HYAL4: variants seen among roughly 807,000 people sequenced by gnomAD.
The protein encoded by HYAL4 is hyaluronidase-4.
A neutral mutation model predicts 35.2 loss-of-function variants in HYAL4; 37 were observed. The observed-to-expected ratio is 1.05, with a 90% CI of 0.81 to 1.38. The LOEUF (loss-of-function observed/expected upper bound fraction) is 1.38. HYAL4 is among the 40% of genes most tolerant of loss of function. The pLI is 0.00. For synonymous variants in HYAL4, 198 were observed against 203.2 expected (o/e 0.97, Z 0.22); for missense variants, 572 against 572.4 (o/e 1.00, Z 0.01).
chr7:123,837,356 G>A (rs141386487), intron 1 of HYAL4, among the ~76,000 whole-genome samples: 165 of 152,170 alleles, frequency 1.1e-3, no homozygotes, highest in African/African-American at 3.7e-3. Flanking sequence ...CATCAAAAAG[G>A]AAGTGTTTAA....
the HYAL4 span, among the ~76,000 whole-genome samples, chr7:123,781,690 AAAAAC>A: frequency 3.5e-3 from 526 of 152,312 alleles, 4 homozygotes; most frequent in African/African-American, 0.011. Flanking sequence ...ATTTAATATG[AAAAAC>A]AAAAGTATCT....
intron 2 of HYAL4, among the ~76,000 whole-genome samples, chr7:123,861,472 C>T (rs1806574500): frequency 6.6e-6 from 1 of 152,100 alleles, no homozygotes; most frequent in African/African-American, 2.4e-5. Context: ...GTGTGCTTTT[C>T]CAAGAAATCT....
chr7:123,830,809 A>AT (rs1403672665), intron 1 of HYAL4, among the ~76,000 whole-genome samples: 1 of 150,776 alleles, frequency 6.6e-6, no homozygotes, highest in African/African-American at 2.4e-5. Context: ...TTTGCTTTCA[A>AT]TTTTTTTTTC....
chr7:123,817,882 GTATT>G, the HYAL4 span, among the ~76,000 whole-genome samples: 474 of 150,364 alleles, frequency 3.2e-3, no homozygotes, highest in Non-Finnish European at 6.1e-3. Flanking sequence ...ATTTATTTAT[GTATT>G]TATTTATTTG....
At chr7:123,822,448 T>C in the HYAL4 span, among the ~76,000 whole-genome samples, 2 of 152,238 alleles carry the variant, frequency 1.3e-5, no homozygotes, top group African/African-American at 4.8e-5. Flanking sequence ...GATGGCTCAC[T>C]ATTAATAGAT....
At chr7:123,825,838 A>G (rs1805797294), upstream of HYAL4, among the ~76,000 whole-genome samples, 1 of 152,118 alleles carries the variant, frequency 6.6e-6, no homozygotes, top group Non-Finnish European at 1.5e-5. Flanking sequence ...TCTAATTCAT[A>G]AATTTATACT....
At chr7:123,824,356 GT>G (rs1159200498), upstream of HYAL4, among the ~76,000 whole-genome samples, 2 of 152,104 alleles carry the variant, frequency 1.3e-5, no homozygotes, top group Non-Finnish European at 2.9e-5. Flanking sequence ...GAGGGGTATG[GT>G]GAGTTCTTTT....
intron 2 of HYAL4, among the ~76,000 whole-genome samples, chr7:123,859,201 A>G (rs1685947826): frequency 6.6e-6 from 1 of 152,192 alleles, no homozygotes; most frequent in African/African-American, 2.4e-5. Flanking sequence ...AAACTAATAT[A>G]TAGTCAAAGA....
intron 2 of HYAL4, among the ~76,000 whole-genome samples, chr7:123,855,499 C>T (rs1000484651): frequency 1.3e-5 from 2 of 152,072 alleles, no homozygotes; most frequent in African/African-American, 4.8e-5. Flanking sequence ...GTTGAAAATT[C>T]TTTTCTTAAG....
At chr7:123,801,581 G>A in the HYAL4 span, among the ~76,000 whole-genome samples, 5 of 152,156 alleles carry the variant, frequency 3.3e-5, no homozygotes, top group Admixed American at 1.3e-4. Flanking sequence ...TTTCTAAGCA[G>A]TTTAAACGTT....
chr7:123,764,201 C>T, the HYAL4 span, among the ~76,000 whole-genome samples: 1 of 152,290 alleles, frequency 6.6e-6, no homozygotes, highest in Non-Finnish European at 1.5e-5. Context: ...TCTTGCACCC[C>T]CAGGCTCAAG....
At chr7:123,832,763 G>T (rs1469849267) in intron 1 of HYAL4, among the ~76,000 whole-genome samples, 1 of 151,746 alleles carries the variant, frequency 6.6e-6, no homozygotes, top group South Asian at 2.1e-4. Flanking sequence ...GGCCCCCCAG[G>T]CGTGAGCCAC....
At chr7:123,822,190 T>A in the HYAL4 span, among the ~76,000 whole-genome samples, 1 of 152,176 alleles carries the variant, frequency 6.6e-6, no homozygotes, top group African/African-American at 2.4e-5. Context: ...AAAATGCCAT[T>A]GGGATTTTGA....
intron 2 of HYAL4, among the ~76,000 whole-genome samples, chr7:123,854,858 G>A (rs1806395833): frequency 1.3e-5 from 2 of 152,158 alleles, no homozygotes. Context: ...GGGAGTCTAT[G>A]TCTCTTTGTA....
chr7:123,769,527 A>G, the HYAL4 span, among the ~76,000 whole-genome samples: 2 of 152,158 alleles, frequency 1.3e-5, no homozygotes, highest in Non-Finnish European at 2.9e-5. Context: ...GTCATTGTGT[A>G]TGAGCTGCCA....
the HYAL4 span, among the ~76,000 whole-genome samples, chr7:123,763,769 G>A: frequency 2.0e-5 from 3 of 152,174 alleles, no homozygotes; most frequent in Non-Finnish European, 2.9e-5. Flanking sequence ...TGACATGTAA[G>A]GCCCTTTAAT....
intron 2 of HYAL4, among the ~76,000 whole-genome samples, chr7:123,865,887 C>T (rs1371746607): frequency 2.0e-5 from 3 of 152,140 alleles, no homozygotes; most frequent in Admixed American, 1.3e-4. Flanking sequence ...TTGGGGACCC[C>T]TCACAATCAT....
chr7:123,872,493 A>T (rs561054467), intron 3 of HYAL4, among the ~76,000 whole-genome samples: 1 of 152,324 alleles, frequency 6.6e-6, no homozygotes, highest in East Asian at 1.9e-4. Flanking sequence ...TCAGGGACTG[A>T]CACCGAAGTG....
At chr7:123,770,215 C>T in the HYAL4 span, among the ~76,000 whole-genome samples, 13 of 151,714 alleles carry the variant, frequency 8.6e-5, no homozygotes, top group African/African-American at 2.4e-4. Context: ...TTTGGGAGGC[C>T]GAGACAGGCG....
Sources: allele counts gnomAD v4.1 joint callset (sites outside exome capture counted in the v4.1 genomes callset), GRCh38; gene constraint gnomAD v4.1.1; transcripts MANE v1.5; gene names NCBI Gene and HGNC (gene_info 2026-07-23, HGNC 2026-07-21).